Variants in NHP2 observed in about 807,000 individuals in gnomAD.
The protein encoded by NHP2 is NHP2 ribonucleoprotein.
NHP2 carries 10 observed loss-of-function variants against 16.7 expected under a neutral mutation model. The ratio of observed to expected loss-of-function variants is 0.60; its 90% CI spans 0.37 to 1.01. The LOEUF (loss-of-function observed/expected upper bound fraction) is 1.01, where lower values mean the gene tolerates loss of function less well. Among genes scored for constraint, NHP2 ranks in the 50% least tolerant of loss-of-function variants. The pLI, the probability that NHP2 is intolerant of heterozygous loss-of-function variation, is 0.01. For missense variants in NHP2, 184 were observed against 198.3 expected (o/e 0.93, Z 0.43); for synonymous variants, 87 against 78.9 (o/e 1.10, Z -0.54).
At chr5:178,150,071 C>T (rs1432608584) in intron 3 of NHP2, 4 of 440,888 alleles carry the variant, frequency 9.1e-6, no homozygotes, top group Non-Finnish European at 1.7e-5. Flanking sequence ...TGAAAGGGCT[C>T]CAGCCCAGCA....
chr5:178,152,680 T>C (rs1405255895), intron 2 of NHP2, among the ~76,000 whole-genome samples: 1 of 152,128 alleles, frequency 6.6e-6, no homozygotes, highest in Non-Finnish European at 1.5e-5. Context: ...CACTCTGTTA[T>C]TTTCCTTCAT....
In NHP2 at chr5:178,153,648, T is replaced by G. The variant is rs376220034; in HGVS notation, c.160+10A>C. 5.1e-5 allele frequency: 83 copies of G among 1,613,664 alleles called. No individual in the cohort carries two copies. Among genetic ancestry groups the G allele is most frequent in the East Asian group, 8.9e-5 (4 of 44,878 alleles). ...CGCACCCATCCCGGCCACGCCGCCG[T>G]CCGCCTCACCTTTCTTGATGCATTT... On this transcript the variant is annotated intron_variant, in intron 1 of 3. Transcript: ENST00000274606.
chr5:178,151,924 C>G (rs909327791), intron 2 of NHP2, among the ~76,000 whole-genome samples: 1 of 152,140 alleles, frequency 6.6e-6, no homozygotes, highest in Non-Finnish European at 1.5e-5. Flanking sequence ...TACCCAGACC[C>G]AAATTTGTGA....
intron 2 of NHP2, 90 bp downstream of exon 2, chr5:178,153,401 A>G: frequency 7.5e-7 from 1 of 1,333,470 alleles, no homozygotes; most frequent in Non-Finnish European, 1.1e-6. Context: ...GGGCTAGGTC[A>G]GAGTTAACCT....
chr5:178,152,489 G>A (rs888392326), intron 2 of NHP2, among the ~76,000 whole-genome samples: 7 of 151,778 alleles, frequency 4.6e-5, no homozygotes, highest in African/African-American at 1.7e-4. Context: ...CATCAAGTCT[G>A]CCCAACATTA....
intron 3 of NHP2, chr5:178,150,353 T>G: frequency 7.7e-6 from 2 of 258,744 alleles, no homozygotes; most frequent in Non-Finnish European, 1.5e-5. Context: ...GAAGTGATAC[T>G]GTAGGTACCC....
intron 3 of NHP2, 94 bp downstream of exon 3, chr5:178,150,794 A>G (rs745871403): frequency 5.8e-6 from 5 of 857,258 alleles, no homozygotes; most frequent in Non-Finnish European, 8.2e-6. Context: ...TCTTAGCTCC[A>G]ACACTCCTGG....
At position 178,150,870 on chromosome 5, in the gene NHP2, G is replaced by A. The variant is rs905308939; in HGVS notation, c.336+18C>T. The stretch of plus-strand genomic sequence containing the variant: ...CACCCCAGTGCTGAGCAAGGTCAGG[G>A]GGCCACGTGCTCCTTACCGTCTTAG... On this transcript the variant is annotated intron_variant, in intron 3 of 3. Coordinates refer to ENST00000274606, the MANE Select transcript of NHP2 (RefSeq NM_017838.4). The A allele has an allele frequency of 6.5e-7, 1 of 1,528,240 alleles. No individual in the cohort carries two copies. 94.7% of individuals were successfully genotyped at this position (1,528,240 alleles called of 1,614,324 possible).
At chr5:178,153,427 A>G (rs1304865964) in intron 2 of NHP2, 64 bp downstream of exon 2, 9 of 1,549,100 alleles carry the variant, frequency 5.8e-6, no homozygotes, top group Non-Finnish European at 8.0e-6. Flanking sequence ...CTGCGCGCCT[A>G]CTAAGTAGAG....
chr5:178,150,868 G>A lies in NHP2; in HGVS notation c.336+20C>T, dbSNP rs1168054077. ...GACACCCCAGTGCTGAGCAAGGTCAGGGGGCCACGTGCTCCTTACCGTCTT... is the reference window on the plus strand; with the variant it reads ...GACACCCCAGTGCTGAGCAAGGTCAAGGGGCCACGTGCTCCTTACCGTCTT... On this transcript the variant is annotated intron_variant, in intron 3 of 3. Coordinates refer to ENST00000274606, the MANE Select transcript of NHP2 (RefSeq NM_017838.4). The A allele has an allele frequency of 6.6e-7, 1 of 1,508,076 alleles. No individual in the cohort carries two copies. Among genetic ancestry groups the A allele is most frequent in the Admixed American group, 1.7e-5 (1 of 59,704 alleles). The allele number at this position is 1,508,076 out of a possible 1,614,324, so 93.4% of individuals were successfully genotyped here.
At chr5:178,151,271 C>T (rs544908234) in intron 2 of NHP2, among the ~76,000 whole-genome samples, 1 of 152,306 alleles carries the variant, frequency 6.6e-6, no homozygotes, top group African/African-American at 2.4e-5. Context: ...GAACAGCACG[C>T]TGATGGATGA....
intron 3 of NHP2, chr5:178,150,324 G>A (rs1300019878): frequency 4.3e-6 from 1 of 231,374 alleles, no homozygotes. Context: ...TCAGAACAGG[G>A]CCTCCTGCTT....
In NHP2 at chr5:178,153,475, G is replaced by A. The variant is rs752287468; in HGVS notation, c.230+16C>T. 1.1e-5 allele frequency: 18 copies of A among 1,613,460 alleles called. No homozygotes were observed. Among genetic ancestry groups the A allele is most frequent in the South Asian group, 1.1e-4 (10 of 91,078 alleles). On this transcript the variant is annotated intron_variant, in intron 2 of 3. Coordinates refer to ENST00000274606, the MANE Select transcript of NHP2 (RefSeq NM_017838.4). ...ACGTTTAGAAATGCAAAATCCAGAG[G>A]AAGGAAGGTTCTTACCCTTTTTCTC... is the stretch of plus-strand genomic sequence containing the variant.
chr5:178,150,303 G>A (rs538125483), intron 3 of NHP2: 129 of 220,716 alleles, frequency 5.8e-4, no homozygotes, highest in Non-Finnish European at 9.7e-4. Context: ...CAGGCCAAAC[G>A]GTAAGTTCCT....
At chr5:178,152,814 C>A (rs1039629898) in intron 2 of NHP2, among the ~76,000 whole-genome samples, 2 of 152,160 alleles carry the variant, frequency 1.3e-5, no homozygotes, top group Non-Finnish European at 2.9e-5. Flanking sequence ...CTGCCAGGCG[C>A]GGTGGCTCAT....
rs7446073 is a variant in NHP2, at chr5:178,150,137, T to C, written c.337-299A>G. On this transcript the variant is annotated intron_variant, in intron 3 of 3. Coordinates refer to ENST00000274606, the MANE Select transcript of NHP2 (RefSeq NM_017838.4). The stretch of plus-strand genomic sequence containing the variant: ...TCCTGTGCCTCAGATCTGGCCCCTG[T>C]TACGTAAGATAAGGACAGCTACAGG... 0.52 allele frequency: 159,156 copies of C among 307,510 alleles called. 44,116 individuals are homozygous for C. Among genetic ancestry groups the C allele is most frequent in the East Asian group, 0.85 (10,551 of 12,484 alleles). 19.0% of individuals were successfully genotyped at this position (307,510 alleles called of 1,614,324 possible).
In NHP2 at chr5:178,149,604, G is replaced by A; in HGVS notation, c.*109C>T. ...GCTGCCTGGGAAGAAGGCGTGCCTT[G>A]GGGAACTGGGAAGATGCCGTCAGTG... is the stretch of plus-strand genomic sequence containing the variant. On this transcript the variant is annotated 3_prime_UTR_variant, in exon 4 of 4. Transcript: ENST00000274606. 1.4e-6 allele frequency: 2 copies of A among 1,458,680 alleles called. No homozygotes were observed. The highest frequency in any genetic ancestry group is 1.9e-6 in the Non-Finnish European group (2 of 1,055,334). 90.4% of individuals were successfully genotyped at this position (1,458,680 alleles called of 1,614,324 possible).
At chr5:178,150,834 A>G (rs111845529) in intron 3 of NHP2, 54 bp downstream of exon 3, 1 of 1,150,896 alleles carries the variant, frequency 8.7e-7, no homozygotes, top group Non-Finnish European at 1.3e-6. Flanking sequence ...GCTATGGCAG[A>G]CTATCCCAGA....
intron 2 of NHP2, 152 bp downstream of exon 2, chr5:178,153,339 C>T: frequency 1.3e-6 from 1 of 759,970 alleles, no homozygotes; most frequent in South Asian, 1.4e-5. Context: ...ATTGTCGTAC[C>T]GGTATTGTAC....
Sources: allele counts gnomAD v4.1 joint callset (sites outside exome capture counted in the v4.1 genomes callset), GRCh38; gene constraint gnomAD v4.1.1; transcripts MANE v1.5; gene names NCBI Gene and HGNC (gene_info 2026-07-23, HGNC 2026-07-21).